The following CCDC3 variants were observed in gnomAD, a reference collection of about 807,000 sequenced individuals.
The protein encoded by CCDC3 is coiled-coil domain containing 3, also known as coiled-coil domain-containing protein 3.
A neutral mutation model predicts 21.4 loss-of-function variants in CCDC3; 24 were observed. The ratio of observed to expected loss-of-function variants is 1.12; its 90% confidence interval spans 0.81 to 1.58. The LOEUF is 1.58. Among genes scored for constraint, CCDC3 ranks in the 40% most tolerant of loss-of-function variants. The pLI, the probability that CCDC3 is intolerant of heterozygous loss-of-function variation, is 0.00. For missense variants in CCDC3, 425 were observed against 360.9 expected (o/e 1.18, Z -1.44); for synonymous variants, 186 against 166.0 (o/e 1.12, Z -0.93).
intron 2 of CCDC3, among the ~76,000 whole-genome samples, chr10:12,978,290 A>C (rs1322734244): frequency 3.3e-5 from 5 of 152,206 alleles, no homozygotes; most frequent in Non-Finnish European, 7.3e-5. Context: ...AAGTGCTGGG[A>C]CTACAGGCAT....
At chr10:12,939,308 G>A (rs1834784068) in intron 2 of CCDC3, among the ~76,000 whole-genome samples, 1 of 152,214 alleles carries the variant, frequency 6.6e-6, no homozygotes, top group South Asian at 2.1e-4. Context: ...AGCTGCACGA[G>A]AAGAAATCTT....
chr10:13,036,070 G>C (rs1836373461), intron 5 of CCDC3, among the ~76,000 whole-genome samples: 1 of 152,254 alleles, frequency 6.6e-6, no homozygotes, highest in South Asian at 2.1e-4. Flanking sequence ...CTTGAACCCA[G>C]GAGGTGGAGA....
intron 2 of CCDC3, among the ~76,000 whole-genome samples, chr10:12,915,811 C>G (rs1834344021): frequency 6.6e-6 from 1 of 152,164 alleles, no homozygotes; most frequent in African/African-American, 2.4e-5. Context: ...TGTGGTGGAC[C>G]TTGACCCTGG....
chr10:13,031,871 T>C (rs555912693), intron 5 of CCDC3, among the ~76,000 whole-genome samples: 5 of 152,116 alleles, frequency 3.3e-5, no homozygotes, highest in Admixed American at 3.3e-4. Flanking sequence ...TGAAAAAAAG[T>C]CCAGGACCAG....
intron 5 of CCDC3, among the ~76,000 whole-genome samples, chr10:13,006,716 C>A (rs1564317767): frequency 1.3e-5 from 2 of 152,260 alleles, no homozygotes; most frequent in Middle Eastern, 3.4e-3. Flanking sequence ...ATGGTGTGTG[C>A]ATGTGGCAAT....
chr10:13,085,262 C>T (rs549557766), intron 3 of CCDC3, among the ~76,000 whole-genome samples: 158 of 152,266 alleles, frequency 1.0e-3, no homozygotes, highest in African/African-American at 3.4e-3. Flanking sequence ...AGAAACTTTA[C>T]GGCTCTGTCA....
intron 3 of CCDC3, among the ~76,000 whole-genome samples, chr10:13,082,106 A>G (rs528162207): frequency 1.3e-5 from 2 of 152,368 alleles, no homozygotes; most frequent in Admixed American, 6.5e-5. Context: ...TAAAGACACA[A>G]GACAAAGTGA....
intron 2 of CCDC3, among the ~76,000 whole-genome samples, chr10:12,920,402 A>G (rs1374869021): frequency 6.6e-6 from 1 of 152,116 alleles, no homozygotes; most frequent in Non-Finnish European, 1.5e-5. Context: ...ACAGAGCCAA[A>G]CCACATCACT....
At chr10:13,060,473 T>C (rs1588410631) in intron 4 of CCDC3, among the ~76,000 whole-genome samples, 1 of 151,574 alleles carries the variant, frequency 6.6e-6, no homozygotes, top group South Asian at 2.1e-4. Flanking sequence ...GTAACAAGAG[T>C]CCCCAAGGCC....
chr10:13,079,579 C>T (rs1033476076), intron 3 of CCDC3, among the ~76,000 whole-genome samples: 11 of 148,884 alleles, frequency 7.4e-5, no homozygotes, highest in Non-Finnish European at 1.2e-4. Context: ...AGAAAAGCCA[C>T]GGGGTTGGGG....
chr10:12,914,896 GTTC>G (rs759524489), intron 2 of CCDC3, among the ~76,000 whole-genome samples: 2 of 151,954 alleles, frequency 1.3e-5, no homozygotes, highest in African/African-American at 2.4e-5. Flanking sequence ...GGCTTAGTTT[GTTC>G]TTCTTTTTGT....
intron 3 of CCDC3, chr10:13,098,396 C>T (rs1206005778): frequency 6.6e-6 from 1 of 152,392 alleles, no homozygotes; most frequent in African/African-American, 2.4e-5. Context: ...TCATTGCAGC[C>T]TCTCCCTCCT....
chr10:13,091,067 G>A (rs1832560190), intron 3 of CCDC3, among the ~76,000 whole-genome samples: 2 of 152,136 alleles, frequency 1.3e-5, no homozygotes, highest in Non-Finnish European at 2.9e-5. Context: ...GAAAGATGAA[G>A]TCTGGAAGAC....
intron 2 of CCDC3, among the ~76,000 whole-genome samples, chr10:12,981,123 T>A (rs1218356262): frequency 6.6e-6 from 1 of 151,560 alleles, no homozygotes; most frequent in African/African-American, 2.4e-5. Context: ...GCCTCCTGCT[T>A]CAGCCTTCCT....
At chr10:13,081,108 T>G (rs1008706967) in intron 3 of CCDC3, among the ~76,000 whole-genome samples, 1 of 142,404 alleles carries the variant, frequency 7.0e-6, no homozygotes, top group Non-Finnish European at 1.5e-5. Context: ...AACAACTAAG[T>G]AAACATTTTT....
intron 2 of CCDC3, among the ~76,000 whole-genome samples, chr10:12,968,783 T>C (rs1835298372): frequency 6.6e-6 from 1 of 152,134 alleles, no homozygotes; most frequent in Admixed American, 6.5e-5. Context: ...TATTTACAGC[T>C]TAAAATAAAT....
intron 3 of CCDC3, among the ~76,000 whole-genome samples, chr10:13,090,747 AGG>A (rs1832557419): frequency 6.6e-6 from 1 of 152,212 alleles, no homozygotes; most frequent in East Asian, 1.9e-4. Context: ...GTTATTAGTC[AGG>A]GTTCTCTAGA....
chr10:12,975,152 T>C (rs1835396954), intron 2 of CCDC3, among the ~76,000 whole-genome samples: 1 of 152,190 alleles, frequency 6.6e-6, no homozygotes, highest in Non-Finnish European at 1.5e-5. Context: ...ATTAGTGTTG[T>C]GGGCTCAGAT....
intron 2 of CCDC3, among the ~76,000 whole-genome samples, chr10:12,963,956 G>A (rs969384646): frequency 2.6e-5 from 4 of 152,194 alleles, no homozygotes; most frequent in Admixed American, 1.3e-4. Context: ...CCCAGGAGGC[G>A]AGTCGTTATT....
Sources: gnomAD v4.1 joint callset for allele counts (sites outside exome capture counted in the v4.1 genomes callset) on GRCh38, gnomAD v4.1.1 for gene constraint, MANE v1.5 for transcripts, NCBI Gene and HGNC (gene_info 2026-07-23, HGNC 2026-07-21) for gene names.